KCNIP1: variants seen among roughly 807,000 people sequenced by gnomAD.
KCNIP1 encodes the protein potassium voltage-gated channel interacting protein 1.
Under a neutral mutation model 33.0 loss-of-function variants are expected in KCNIP1, and 18 were observed. That is an observed-to-expected ratio of 0.55 (90% CI 0.38 to 0.81). The LOEUF is 0.81. Ranked by LOEUF, KCNIP1 falls within the 30% of genes least tolerant of loss-of-function variation. The pLI is 0.00. For missense variants in KCNIP1, 238 were observed against 271.6 expected (o/e 0.88, Z 0.87); for synonymous variants, 93 against 98.3 (o/e 0.95, Z 0.32).
At chr5:170,689,352 T>C (rs142473169) in intron 1 of KCNIP1, among the ~76,000 whole-genome samples, 3,039 of 152,356 alleles carry the variant, frequency 0.02, 47 homozygotes, top group Middle Eastern at 0.075. Context: ...AATACCTCTG[T>C]GTTCAGCCTG....
At chr5:170,564,260 G>A (rs1389392153) in intron 1 of KCNIP1, among the ~76,000 whole-genome samples, 1 of 152,112 alleles carries the variant, frequency 6.6e-6, no homozygotes, top group Non-Finnish European at 1.5e-5. Context: ...AACTGTACTC[G>A]TGTTCTGGGA....
intron 1 of KCNIP1, among the ~76,000 whole-genome samples, chr5:170,601,028 C>T (rs543323376): frequency 6.6e-6 from 1 of 152,332 alleles, no homozygotes; most frequent in South Asian, 2.1e-4. Context: ...GTCACTTAGC[C>T]TCTCTGAGTT....
chr5:170,465,031 C>A (rs28446181), intron 1 of KCNIP1, among the ~76,000 whole-genome samples: 7,766 of 152,250 alleles, frequency 0.051, 463 homozygotes, highest in African/African-American at 0.13. Context: ...CATGCTCCAC[C>A]TGTTCTGATG....
At chr5:170,507,224 T>C (rs1454687665) in intron 1 of KCNIP1, among the ~76,000 whole-genome samples, 1 of 152,242 alleles carries the variant, frequency 6.6e-6, no homozygotes, top group Non-Finnish European at 1.5e-5. Flanking sequence ...TCAGTCTCCC[T>C]GCTGGGTTCA....
At chr5:170,585,439 A>G (rs1403299047) in intron 1 of KCNIP1, among the ~76,000 whole-genome samples, 2 of 151,946 alleles carry the variant, frequency 1.3e-5, no homozygotes, top group African/African-American at 4.8e-5. Context: ...ATTCCACTGT[A>G]TTTTCCCCGA....
intron 1 of KCNIP1, among the ~76,000 whole-genome samples, chr5:170,709,250 T>G (rs1218219646): frequency 6.6e-6 from 1 of 152,252 alleles, no homozygotes. Context: ...ATTTTTAAAT[T>G]ACTCCAATTA....
At chr5:170,514,553 G>T (rs1357033483) in intron 1 of KCNIP1, among the ~76,000 whole-genome samples, 1 of 151,406 alleles carries the variant, frequency 6.6e-6, no homozygotes, top group African/African-American at 2.4e-5. Flanking sequence ...CCCCACCAAG[G>T]GCTACACAGG....
chr5:170,597,807 A>ATATATATATATATATATG (rs1758510691), intron 1 of KCNIP1, among the ~76,000 whole-genome samples: 4 of 6,506 alleles, frequency 6.1e-4, no homozygotes, highest in African/African-American at 1.3e-3. Flanking sequence ...ATATATATAT[A>ATATATATATATATATATG]TATATATATA....
chr5:170,575,496 G>C (rs1189441350), intron 1 of KCNIP1, among the ~76,000 whole-genome samples: 1 of 152,192 alleles, frequency 6.6e-6, no homozygotes, highest in African/African-American at 2.4e-5. Context: ...CTAGGAAAGG[G>C]TCTTGTTAAA....
At chr5:170,707,937 T>A (rs554801731) in intron 1 of KCNIP1, among the ~76,000 whole-genome samples, 1 of 151,894 alleles carries the variant, frequency 6.6e-6, no homozygotes, top group East Asian at 1.9e-4. Context: ...ATGATTTGAG[T>A]TTTATTGAAC....
At chr5:170,440,240 G>A (rs1755958152) in intron 1 of KCNIP1, among the ~76,000 whole-genome samples, 1 of 152,206 alleles carries the variant, frequency 6.6e-6, no homozygotes, top group South Asian at 2.1e-4. Context: ...AGCACTGGAA[G>A]AAAATGAATT....
At chr5:170,612,496 C>T (rs1390696672) in intron 1 of KCNIP1, among the ~76,000 whole-genome samples, 1 of 152,226 alleles carries the variant, frequency 6.6e-6, no homozygotes, top group Non-Finnish European at 1.5e-5. Context: ...ACCTCATCAA[C>T]AGCTTGGGAG....
chr5:170,383,650 G>C lies in KCNIP1; in HGVS notation c.88+29686G>C, dbSNP rs758481386. The C allele has an allele frequency of 3.1e-6, 5 of 1,612,360 alleles. No individual in the cohort carries two copies. The South Asian group carries it at 4.4e-5, about 14-fold the overall frequency. On this transcript the variant is annotated intron_variant, in intron 1 of 7. Coordinates refer to the KCNIP1 transcript ENST00000377360. ...CTCACACACCTGACAGGGATAAAGG[G>C]ATGTGTCCCCATCCCTCCAGTTCAG...
At chr5:170,541,813 A>T (rs996822014) in intron 1 of KCNIP1, among the ~76,000 whole-genome samples, 2 of 152,092 alleles carry the variant, frequency 1.3e-5, no homozygotes, top group Non-Finnish European at 2.9e-5. Context: ...GTCCATTTGC[A>T]CCTCTCTGAG....
intron 1 of KCNIP1, among the ~76,000 whole-genome samples, chr5:170,487,545 A>T (rs150387030): frequency 3.4e-3 from 504 of 148,074 alleles, no homozygotes; most frequent in Non-Finnish European, 5.4e-3. Context: ...TTTTTAAGAC[A>T]GGGTCTGGCT....
chr5:170,407,181 TAA>T (rs1755058290), intron 1 of KCNIP1, among the ~76,000 whole-genome samples: 1 of 152,152 alleles, frequency 6.6e-6, no homozygotes, highest in South Asian at 2.1e-4. Flanking sequence ...ATAGACGAGT[TAA>T]GAGTGACAGC....
rs2113235629 is a variant in KCNIP1, at chr5:170,504,431, C to T, written c.-142C>T. The T allele has an allele frequency of 6.7e-7, 1 of 1,498,022 alleles. No individual in the cohort carries two copies. Among genetic ancestry groups the T allele is most frequent in the African/African-American group, 1.4e-5 (1 of 71,786 alleles). The allele number at this position is 1,498,022 out of a possible 1,614,324, so 92.8% of individuals were successfully genotyped here. On this transcript the variant is annotated 5_prime_UTR_variant, in exon 1 of 8. Coordinates refer to ENST00000328939, the MANE Select transcript of KCNIP1 (RefSeq NM_014592.4). This position sits in a 1 kb window ranked among gnomAD's most constrained non-coding sequence, Gnocchi z 6.0. ...GAAGCCTCCTAGCCTCGCCTCCACG[C>T]TTGCTGAATACCAAGCTGCAGGCGA...
rs1322631920 is a variant in KCNIP1, at chr5:170,504,277, G to C, written c.-296G>C. ...CGTGTCCAGTGCCAGGCAGGCTTCAGGGCACCGTCCTCGGCCCTGGGCGAG... is the reference window on the plus strand; with the variant it reads ...CGTGTCCAGTGCCAGGCAGGCTTCACGGCACCGTCCTCGGCCCTGGGCGAG... On this transcript the variant is annotated 5_prime_UTR_variant, in exon 1 of 8. Coordinates refer to ENST00000328939, the MANE Select transcript of KCNIP1 (RefSeq NM_014592.4). This position sits in a 1 kb window ranked among gnomAD's most constrained non-coding sequence, Gnocchi z 6.0. 8.1e-7 allele frequency: 1 copy of C among 1,241,366 alleles called. No homozygotes were observed. The highest frequency in any genetic ancestry group is 1.0e-6 in the Non-Finnish European group (1 of 991,910). The allele number at this position is 1,241,366 out of a possible 1,614,324, so 76.9% of individuals were successfully genotyped here. A position where few individuals can be genotyped will look rare whatever the true frequency, so the allele number is the denominator to read the frequency against.
At chr5:170,686,588 A>G (rs1762543024) in intron 1 of KCNIP1, among the ~76,000 whole-genome samples, 2 of 152,160 alleles carry the variant, frequency 1.3e-5, no homozygotes, top group Admixed American at 1.3e-4. Context: ...CCCACCTTAC[A>G]CTTGAGTTGT....
Sources: allele counts gnomAD v4.1 joint callset (sites outside exome capture counted in the v4.1 genomes callset), GRCh38; gene constraint gnomAD v4.1.1; non-coding constraint Gnocchi (gnomAD v3.1); transcripts MANE v1.5; gene names NCBI Gene and HGNC (gene_info 2026-07-23, HGNC 2026-07-21).